Variants in HPSE2 observed in about 807,000 individuals in gnomAD.
The protein encoded by HPSE2 is heparanase 2 (inactive), also known as inactive heparanase-2.
In HPSE2, 38 loss-of-function variants were observed where a neutral mutation model predicts 60.5. The ratio of observed to expected loss-of-function variants is 0.63; its 90% CI spans 0.48 to 0.82. The LOEUF (loss-of-function observed/expected upper bound fraction) is 0.82. HPSE2 is among the 40% of genes least tolerant of loss of function. The probability of loss-of-function intolerance (pLI) is 0.00; values close to 1 mark genes in which losing one functional copy is unlikely to be tolerated. For synonymous variants in HPSE2, 295 were observed against 293.2 expected (o/e 1.01, Z -0.06); for missense variants, 713 against 740.4 (o/e 0.96, Z 0.43).
intron 3 of HPSE2, among the ~76,000 whole-genome samples, chr10:98,858,595 A>G (rs1448203725): frequency 6.6e-6 from 1 of 152,154 alleles, no homozygotes; most frequent in Non-Finnish European, 1.5e-5. Flanking sequence ...AGTTGCTGAA[A>G]AAGCCTCTGT....
the HPSE2 span, among the ~76,000 whole-genome samples, chr10:99,276,012 T>G: frequency 6.6e-6 from 1 of 152,182 alleles, no homozygotes; most frequent in Non-Finnish European, 1.5e-5. Context: ...TAGAAATAAC[T>G]GAAAATTTGG....
At chr10:98,736,019 G>A (rs1949347848) in intron 4 of HPSE2, among the ~76,000 whole-genome samples, 1 of 152,070 alleles carries the variant, frequency 6.6e-6, no homozygotes, top group African/African-American at 2.4e-5. Flanking sequence ...GGGGTAGAAT[G>A]ATATGGTTTG....
intron 3 of HPSE2, among the ~76,000 whole-genome samples, chr10:98,992,497 A>G (rs1956548336): frequency 1.3e-5 from 2 of 152,220 alleles, no homozygotes. Context: ...TCCAAGGCAC[A>G]GCTCAGCCTC....
At chr10:99,151,850 A>C (rs1846277879) in intron 2 of HPSE2, among the ~76,000 whole-genome samples, 1 of 152,210 alleles carries the variant, frequency 6.6e-6, no homozygotes, top group Non-Finnish European at 1.5e-5. Flanking sequence ...CAGGAGTTTG[A>C]GGTTGCAGTT....
chr10:99,044,956 C>G (rs1483801354), intron 3 of HPSE2, among the ~76,000 whole-genome samples: 1 of 152,066 alleles, frequency 6.6e-6, no homozygotes, highest in Non-Finnish European at 1.5e-5. Context: ...TTAGACAGAT[C>G]AAGGCAGAAA....
At chr10:98,527,938 C>T (rs1460066486) in intron 9 of HPSE2, among the ~76,000 whole-genome samples, 1 of 152,164 alleles carries the variant, frequency 6.6e-6, no homozygotes, top group Non-Finnish European at 1.5e-5. Flanking sequence ...GAATAGTAAA[C>T]TGAACTATGT....
intron 6 of HPSE2, among the ~76,000 whole-genome samples, chr10:98,657,454 C>T (rs1296593350): frequency 1.3e-5 from 2 of 152,060 alleles, no homozygotes; most frequent in African/African-American, 4.8e-5. Flanking sequence ...CTTCAACACC[C>T]CCCGCCCCAG....
intron 2 of HPSE2, among the ~76,000 whole-genome samples, chr10:99,211,051 C>A (rs1848936722): frequency 6.6e-6 from 1 of 151,928 alleles, no homozygotes. Context: ...GAACTATATA[C>A]AAATTCAGTA....
At chr10:98,989,914 C>T (rs1313238358) in intron 3 of HPSE2, among the ~76,000 whole-genome samples, 1 of 152,144 alleles carries the variant, frequency 6.6e-6, no homozygotes, top group Non-Finnish European at 1.5e-5. Flanking sequence ...ATTTTTCCTC[C>T]TTTTCAAAGA....
At chr10:99,080,779 A>G (rs1371090892) in intron 3 of HPSE2, among the ~76,000 whole-genome samples, 1 of 152,238 alleles carries the variant, frequency 6.6e-6, no homozygotes, top group Non-Finnish European at 1.5e-5. Flanking sequence ...TTTCCACTAA[A>G]GCCAATGCTC....
intron 3 of HPSE2, among the ~76,000 whole-genome samples, chr10:98,868,950 C>T (rs1952662716): frequency 6.6e-6 from 1 of 152,006 alleles, no homozygotes; most frequent in African/African-American, 2.4e-5. Context: ...TAAATTATTT[C>T]AGTCCTCTAG....
At chr10:98,757,647 A>G (rs1251915647) in intron 3 of HPSE2, among the ~76,000 whole-genome samples, 1 of 152,134 alleles carries the variant, frequency 6.6e-6, no homozygotes, top group East Asian at 1.9e-4. Flanking sequence ...AGATCTCTAC[A>G]CCAAAAATTA....
the HPSE2 span, among the ~76,000 whole-genome samples, chr10:99,309,631 T>C: frequency 1.3e-5 from 2 of 152,218 alleles, no homozygotes; most frequent in East Asian, 3.8e-4. Context: ...TTCATTTATG[T>C]ACTGTCTATG....
intron 2 of HPSE2, among the ~76,000 whole-genome samples, chr10:99,179,501 TC>T (rs775896026): frequency 8.5e-5 from 13 of 152,060 alleles, no homozygotes; most frequent in Non-Finnish European, 1.5e-4. Context: ...TGAGTGAACT[TC>T]CATTCACAAT....
At chr10:98,971,184 G>T (rs1955943001) in intron 3 of HPSE2, among the ~76,000 whole-genome samples, 1 of 152,132 alleles carries the variant, frequency 6.6e-6, no homozygotes, top group African/African-American at 2.4e-5. Flanking sequence ...TACATGTGAG[G>T]CACCAGAGTT....
chr10:99,171,304 G>A (rs1172420918), intron 2 of HPSE2, among the ~76,000 whole-genome samples: 4 of 152,064 alleles, frequency 2.6e-5, no homozygotes, highest in Admixed American at 6.6e-5. Flanking sequence ...GTAGAATATC[G>A]CACTACATTA....
intron 9 of HPSE2, among the ~76,000 whole-genome samples, chr10:98,503,592 T>C (rs1282942975): frequency 6.6e-6 from 1 of 152,138 alleles, no homozygotes; most frequent in African/African-American, 2.4e-5. Flanking sequence ...CAATTCACAA[T>C]TGCAAAATCA....
In HPSE2 at chr10:98,719,549, A is replaced by G. The variant is rs75519298; in HGVS notation, c.956+2108T>C. On this transcript the variant is annotated intron_variant, in intron 5 of 11. Coordinates refer to ENST00000370552, the MANE Select transcript of HPSE2 (RefSeq NM_021828.5). ...CTTCCAAAATTTACATTAAAAATTT[A>G]CTGTACTTTGATGTAGTTAGATGTA... 7.8e-3 allele frequency among the ~76,000 whole-genome samples: 1,184 copies of G among 151,882 alleles called. 20 individuals are homozygous for G. The highest frequency in any genetic ancestry group is 0.027 in the African/African-American group (1,100 of 41,454).
Position 98,743,512 on chromosome 10 carries a change from A to G in HPSE2, c.784+371T>C, listed in dbSNP as rs544645886. On this transcript the variant is annotated intron_variant, in intron 4 of 11. Coordinates refer to ENST00000370552, the MANE Select transcript of HPSE2 (RefSeq NM_021828.5). ...CAAAGCTCTTTTCAATTATTATTTT[A>G]GAAGGATCATCTTGTAGGACCAATG... Among the ~76,000 whole-genome samples the G allele has an allele frequency of 6.6e-5, 10 of 152,370 alleles. No homozygotes were observed. In the East Asian group the frequency reaches 1.9e-3, roughly 29 times the overall value.
Sources: allele counts gnomAD v4.1 joint callset (sites outside exome capture counted in the v4.1 genomes callset), GRCh38; gene constraint gnomAD v4.1.1; transcripts MANE v1.5; gene names NCBI Gene and HGNC (gene_info 2026-07-23, HGNC 2026-07-21).